Variants in BLOC1S6 observed in about 807,000 individuals in gnomAD.
The protein encoded by BLOC1S6 is biogenesis of lysosome-related organelles complex 1 subunit 6.
BLOC1S6 carries 24 observed loss-of-function variants against 24.7 expected under a neutral mutation model. That is an observed-to-expected ratio of 0.97 (90% CI 0.70 to 1.37). The LOEUF (loss-of-function observed/expected upper bound fraction) is 1.37. BLOC1S6 is among the 40% of genes most tolerant of loss of function. The pLI is 0.00. For synonymous variants in BLOC1S6, 76 were observed against 72.6 expected (o/e 1.05, Z -0.23); for missense variants, 175 against 196.2 (o/e 0.89, Z 0.64).
At position 45,606,679 on chromosome 15, in the gene BLOC1S6, T is replaced by C. The variant is rs181609658; in HGVS notation, c.*165T>C. The C allele has an allele frequency of 2.0e-3, 1,712 of 876,034 alleles. 5 individuals are homozygous for C. Among genetic ancestry groups the C allele is most frequent in the Non-Finnish European group, 2.6e-3 (1,484 of 571,948 alleles). 54.3% of individuals were successfully genotyped at this position (876,034 alleles called of 1,614,324 possible). ...CCTTTTTTCCAAGTAGCAGACGTCA[T>C]GTTGCATGGTTTTTGATATTTATAT... On this transcript the variant is annotated 3_prime_UTR_variant, in exon 5 of 5. Transcript: ENST00000220531.
intron 1 of BLOC1S6, among the ~76,000 whole-genome samples, chr15:45,588,436 G>A (rs1893764876): frequency 6.6e-6 from 1 of 152,202 alleles, no homozygotes; most frequent in Non-Finnish European, 1.5e-5. Flanking sequence ...GTCTCATCCT[G>A]TTAATGGTGG....
intron 1 of BLOC1S6, 47 bp downstream of exon 1, chr15:45,587,572 G>T (rs1397881629): frequency 2.0e-6 from 3 of 1,511,394 alleles, no homozygotes; most frequent in Non-Finnish European, 1.8e-6. Flanking sequence ...GGTGTGAGGG[G>T]CGGGGACCTG....
chr15:45,603,905 G>A (rs1368249708), intron 3 of BLOC1S6, among the ~76,000 whole-genome samples: 1 of 152,134 alleles, frequency 6.6e-6, no homozygotes, highest in East Asian at 1.9e-4. Context: ...GACGCTTTGA[G>A]AATGATCAGT....
chr15:45,589,973 A>T (rs1405744871), intron 1 of BLOC1S6, among the ~76,000 whole-genome samples: 1 of 152,216 alleles, frequency 6.6e-6, no homozygotes, highest in Admixed American at 6.5e-5. Context: ...ATTAGTTGTT[A>T]TTCCTTAAAG....
At chr15:45,594,760 A>G (rs1894007579) in intron 2 of BLOC1S6, among the ~76,000 whole-genome samples, 1 of 151,798 alleles carries the variant, frequency 6.6e-6, no homozygotes, top group Non-Finnish European at 1.5e-5. Flanking sequence ...ATTTTTTTGT[A>G]TTTTTAGTAG....
At chr15:45,592,937 A>G (rs528993698) in intron 2 of BLOC1S6, among the ~76,000 whole-genome samples, 64 of 152,272 alleles carry the variant, frequency 4.2e-4, no homozygotes, top group African/African-American at 1.5e-3. Flanking sequence ...TGTGGTGGTC[A>G]GCTTTACACT....
At chr15:45,587,368 C>T (rs143651781), upstream of BLOC1S6, 706 of 1,387,018 alleles carry the variant, frequency 5.1e-4, 8 homozygotes, top group African/African-American at 8.3e-3. Flanking sequence ...CGGCCAGCCG[C>T]TGGAGTCGTT....
Position 45,607,262 on chromosome 15 carries a change from C to G in BLOC1S6, c.*748C>G, listed in dbSNP as rs143071340. The G allele has an allele frequency of 6.6e-6, 1 of 152,240 alleles. No individual in the cohort carries two copies. The highest frequency in any genetic ancestry group is 2.4e-5 in the African/African-American group (1 of 41,524). 9.4% of individuals were successfully genotyped at this position (152,240 alleles called of 1,614,324 possible). On this transcript the variant is annotated 3_prime_UTR_variant, in exon 5 of 5. Transcript: ENST00000220531. ...GGTGTAGTTCAGGTGAGCAAGATGC[C>G]AGATAGTTTCTACTAACCATATACT...
At chr15:45,588,475 T>C (rs1893767348) in intron 1 of BLOC1S6, among the ~76,000 whole-genome samples, 1 of 152,212 alleles carries the variant, frequency 6.6e-6, no homozygotes, top group Non-Finnish European at 1.5e-5. Context: ...AACTTTGAAA[T>C]TGCTCTGGAC....
Position 45,605,440 on chromosome 15 carries a change from A to G in BLOC1S6, c.325A>G (p.Lys109Glu), listed in dbSNP as rs756391163. The change falls in exon 4 of 5, where the codon AAA becomes GAA. Residue 109 changes from lysine to glutamate, a missense_variant. Physicochemically the swap from Lys to Glu is moderately conservative, Grantham distance 56. Coordinates refer to ENST00000220531, the MANE Select transcript of BLOC1S6 (RefSeq NM_012388.4). Reference protein sequence around the residue: ...LDINALFAEAKHYHAKLVNIR... With the variant: ...LDINALFAEAEHYHAKLVNIR... Reference sequence around the variant, plus strand: ...TTTCCATGTTAAGTTTGCTGAGGCTAAACACTATCATGCCAAGTTGGTGAA... The same window carrying G: ...TTTCCATGTTAAGTTTGCTGAGGCTGAACACTATCATGCCAAGTTGGTGAA... 1.9e-6 allele frequency: 3 copies of G among 1,611,636 alleles called. No homozygotes were observed. The highest frequency in any genetic ancestry group is 3.3e-5 in the Admixed American group (2 of 59,968).
intron 1 of BLOC1S6, among the ~76,000 whole-genome samples, chr15:45,588,970 A>T (rs1053022866): frequency 3.3e-5 from 5 of 152,208 alleles, no homozygotes. Context: ...GCAGTTTGGC[A>T]ATGTCTGTTT....
intron 2 of BLOC1S6, among the ~76,000 whole-genome samples, chr15:45,599,933 A>G (rs908777373): frequency 2.0e-5 from 3 of 148,532 alleles, no homozygotes; most frequent in South Asian, 2.1e-4. Flanking sequence ...AACCAACCCA[A>G]ATGTCCAACA....
intron 3 of BLOC1S6, among the ~76,000 whole-genome samples, chr15:45,603,430 C>T (rs923227146): frequency 4.6e-5 from 7 of 152,196 alleles, no homozygotes; most frequent in African/African-American, 1.4e-4. Context: ...AGAACTTAGA[C>T]TTGGCATAGT....
At chr15:45,605,198 T>C (rs1010089302) in intron 3 of BLOC1S6, among the ~76,000 whole-genome samples, 8 of 152,262 alleles carry the variant, frequency 5.3e-5, no homozygotes, top group African/African-American at 1.4e-4. Context: ...TATAAATGTC[T>C]ATTTTATGTT....
At chr15:45,591,576 G>C (rs1473325781) in intron 1 of BLOC1S6, among the ~76,000 whole-genome samples, 1 of 151,990 alleles carries the variant, frequency 6.6e-6, no homozygotes, top group African/African-American at 2.4e-5. Flanking sequence ...GGGACCACAG[G>C]TGTGTGCCAC....
chr15:45,603,207 T>C lies in BLOC1S6; in HGVS notation c.312+20T>C, dbSNP rs554276772. ...GCTTTGGTAAGTATGATTTAGTTGA[T>C]GTAATTTAATGACATCTTGTCTTAG... On this transcript the variant is annotated intron_variant, in intron 3 of 4. Transcript: ENST00000220531. 6.8e-7 allele frequency: 1 copy of C among 1,467,462 alleles called. No individual in the cohort carries two copies. Among genetic ancestry groups the C allele is most frequent in the South Asian group, 1.1e-5 (1 of 87,070 alleles). The allele number at this position is 1,467,462 out of a possible 1,614,324, so 90.9% of individuals were successfully genotyped here. A position where few individuals can be genotyped will look rare whatever the true frequency, so the allele number is the denominator to read the frequency against.
chr15:45,590,158 C>G lies in BLOC1S6; in HGVS notation c.83-1977C>G, dbSNP rs189755476. On this transcript the variant is annotated intron_variant, in intron 1 of 4. Coordinates refer to ENST00000220531, the MANE Select transcript of BLOC1S6 (RefSeq NM_012388.4). Reference sequence around the variant, plus strand: ...CTATACAGTTGGTACATTAATATCCCTAAGTGCTTCACTTTTCTCTCTCTC... The same window carrying G: ...CTATACAGTTGGTACATTAATATCCGTAAGTGCTTCACTTTTCTCTCTCTC... 2.3e-3 allele frequency among the ~76,000 whole-genome samples: 348 copies of G among 151,998 alleles called. 2 individuals are homozygous for G. The highest frequency in any genetic ancestry group is 7.3e-3 in the African/African-American group (301 of 41,484).
intron 1 of BLOC1S6, 24 bp from the exon 2 acceptor site, chr15:45,592,111 A>C: frequency 6.2e-7 from 1 of 1,613,488 alleles, no homozygotes; most frequent in South Asian, 1.1e-5. Context: ...AAAGGTTCCT[A>C]AATTTGATTT....
At chr15:45,587,148 G>A (rs767747966), upstream of BLOC1S6, 5 of 488,896 alleles carry the variant, frequency 1.0e-5, no homozygotes, top group East Asian at 3.8e-5. Context: ...AGCCCAAACC[G>A]ACCACCGTCC....
Sources: gnomAD v4.1 joint callset for allele counts (sites outside exome capture counted in the v4.1 genomes callset) on GRCh38, gnomAD v4.1.1 for gene constraint, MANE v1.5 for transcripts, NCBI Gene and HGNC (gene_info 2026-07-23, HGNC 2026-07-21) for gene names.